C5orf52: variants seen among roughly 807,000 people sequenced by gnomAD.
C5orf52 encodes uncharacterized protein C5orf52.
In C5orf52, 15 loss-of-function variants were observed where a neutral mutation model predicts 16.8. The ratio of observed to expected loss-of-function variants is 0.89; its 90% CI spans 0.60 to 1.38. C5orf52 has a LOEUF of 1.38. Ranked by LOEUF, C5orf52 falls within the 40% of genes most tolerant of loss-of-function variation. The probability of loss-of-function intolerance (pLI) is 0.00; values close to 1 mark genes in which losing one functional copy is unlikely to be tolerated. For missense variants in C5orf52, 206 were observed against 213.1 expected (o/e 0.97, Z 0.21); for synonymous variants, 83 against 87.2 (o/e 0.95, Z 0.27).
At chr5:157,675,006 G>C (rs1366424056) in intron 1 of C5orf52, 86 bp from the exon 2 acceptor site, 2 of 785,780 alleles carry the variant, frequency 2.5e-6, no homozygotes, top group Non-Finnish European at 4.2e-6. Context: ...GGAAGCCTCA[G>C]CCACTCCCTC....
At chr5:157,678,401 A>C (rs1759947369) in intron 2 of C5orf52, among the ~76,000 whole-genome samples, 1 of 152,200 alleles carries the variant, frequency 6.6e-6, no homozygotes, top group Non-Finnish European at 1.5e-5. Flanking sequence ...TACATGCCCC[A>C]AACCCTCCCA....
rs1759889977 is a variant in C5orf52, at chr5:157,676,126, T to C, written c.321+926T>C. 2.0e-5 allele frequency among the ~76,000 whole-genome samples: 3 copies of C among 152,084 alleles called. No homozygotes were observed. In the South Asian group the frequency reaches 6.2e-4, roughly 32 times the overall value. ...TTCATTCCTGTTGTCCAGGCTGGAG[T>C]GCAGTGGCGCTATCTCAACTCACTG... is the stretch of plus-strand genomic sequence containing the variant. On this transcript the variant is annotated intron_variant, in intron 2 of 2. Coordinates refer to ENST00000409999, the MANE Select transcript of C5orf52 (RefSeq NM_001145132.2).
At chr5:157,678,509 T>A (rs1395278162) in intron 2 of C5orf52, among the ~76,000 whole-genome samples, 1 of 152,214 alleles carries the variant, frequency 6.6e-6, no homozygotes, top group Non-Finnish European at 1.5e-5. Flanking sequence ...CAGGCTGAAG[T>A]GCAGTGGCAT....
chr5:157,679,356 A>G (rs1759965637), intron 2 of C5orf52, among the ~76,000 whole-genome samples: 1 of 152,118 alleles, frequency 6.6e-6, no homozygotes, highest in South Asian at 2.1e-4. Context: ...ATTCAGTGTG[A>G]GACAGAGTCT....
rs1759790986 is a variant in C5orf52 at position 157,671,585 on chromosome 5, TC to T, written c.-28del. ...GTGGGCTGGCAACCAGCCACCAGTT[TC>T]CAACTCTTTCTCCAACAGGGAAGCC... On this transcript the variant is annotated 5_prime_UTR_variant, in exon 1 of 3. Transcript: ENST00000409999. The T allele has an allele frequency of 6.5e-7, 1 of 1,529,006 alleles. No individual in the cohort carries two copies. The highest frequency in any genetic ancestry group is 1.4e-5 in the African/African-American group (1 of 72,204). The allele number at this position is 1,529,006 out of a possible 1,614,324, so 94.7% of individuals were successfully genotyped here. A position where few individuals can be genotyped will look rare whatever the true frequency, so the allele number is the denominator to read the frequency against.
intron 1 of C5orf52, among the ~76,000 whole-genome samples, chr5:157,673,294 G>A (rs769541698): frequency 6.6e-6 from 1 of 151,924 alleles, no homozygotes; most frequent in Non-Finnish European, 1.5e-5. Flanking sequence ...CGGAGATTGC[G>A]CCACTGCACT....
chr5:157,671,869 C>T, intron 1 of C5orf52, 43 bp downstream of exon 1: 1 of 1,303,198 alleles, frequency 7.7e-7, no homozygotes, highest in Non-Finnish European at 1.0e-6. Context: ...CCCTCGGACC[C>T]GCGAGGGAAC....
At chr5:157,675,726 A>ACAAG (rs1759881233) in intron 2 of C5orf52, among the ~76,000 whole-genome samples, 1 of 152,158 alleles carries the variant, frequency 6.6e-6, no homozygotes, top group South Asian at 2.1e-4. Context: ...AAACAAACAA[A>ACAAG]AAAACAGAAA....
intron 2 of C5orf52, among the ~76,000 whole-genome samples, chr5:157,678,137 A>G (rs145212688): frequency 6.6e-6 from 1 of 152,342 alleles, no homozygotes; most frequent in Non-Finnish European, 1.5e-5. Flanking sequence ...CTACGTTTCT[A>G]TCAAGCAACT....
chr5:157,675,064 C>T (rs749293588), intron 1 of C5orf52, 28 bp from the exon 2 acceptor site: 4 of 1,472,578 alleles, frequency 2.7e-6, no homozygotes, highest in Non-Finnish European at 3.7e-6. Context: ...CGTCTGTAAC[C>T]TGTGCCACCT....
chr5:157,678,312 T>C (rs1341519750), intron 2 of C5orf52, among the ~76,000 whole-genome samples: 1 of 152,194 alleles, frequency 6.6e-6, no homozygotes, highest in South Asian at 2.1e-4. Context: ...CTTCAGATAA[T>C]GTTAGTGCTT....
At position 157,671,665 on chromosome 5, in the gene C5orf52, G is replaced by T. The variant is rs1235374369; in HGVS notation, c.51G>T (p.Thr17=). 1.3e-6 allele frequency: 2 copies of T among 1,551,138 alleles called. No individual in the cohort carries two copies. The highest frequency in any genetic ancestry group is 1.7e-6 in the Non-Finnish European group (2 of 1,146,852). The change falls in exon 1 of 3, where the codon ACG becomes ACT. Residue 17 remains threonine, a synonymous_variant. Transcript: ENST00000409999. ...PSVTCDQGSS[T]IGGTAAQATT... ...TCACCTGTGACCAGGGATCCTCCACGATCGGCGGGACCGCCGCCCAGGCGA... is the reference window on the plus strand; with the variant it reads ...TCACCTGTGACCAGGGATCCTCCACTATCGGCGGGACCGCCGCCCAGGCGA...
At chr5:157,675,301 G>A in intron 2 of C5orf52, 101 bp downstream of exon 2, 1 of 723,272 alleles carries the variant, frequency 1.4e-6, no homozygotes. Context: ...GTGATAGGGA[G>A]TCATCAAGGT....
chr5:157,674,917 T>G (rs1256081254), intron 1 of C5orf52, among the ~76,000 whole-genome samples, 175 bp from the exon 2 acceptor site: 1 of 152,186 alleles, frequency 6.6e-6, no homozygotes, highest in East Asian at 1.9e-4. Flanking sequence ...AGCATACCTT[T>G]TCCACAACAA....
At chr5:157,671,443 T>G, upstream of C5orf52, 1 of 609,258 alleles carries the variant, frequency 1.6e-6, no homozygotes, top group Non-Finnish European at 2.9e-6. Flanking sequence ...TCTGCACGCA[T>G]GTCCAACAGC....
At chr5:157,673,711 A>G (rs1759840362) in intron 1 of C5orf52, among the ~76,000 whole-genome samples, 1 of 152,016 alleles carries the variant, frequency 6.6e-6, no homozygotes, top group Non-Finnish European at 1.5e-5. Flanking sequence ...ACAATGGTAA[A>G]GTAGTTCACT....
At position 157,680,049 on chromosome 5, in the gene C5orf52, C is replaced by T; in HGVS notation, c.*50C>T. ...ACCACCCTAGTTCTGGCAAAGGGAT[C>T]TGCCCCAGGGTCACGATGACACCAG... On this transcript the variant is annotated 3_prime_UTR_variant, in exon 3 of 3. Coordinates refer to ENST00000409999, the MANE Select transcript of C5orf52 (RefSeq NM_001145132.2). 6.6e-7 allele frequency: 1 copy of T among 1,525,106 alleles called. No individual in the cohort carries two copies. Among genetic ancestry groups the T allele is most frequent in the Non-Finnish European group, 8.8e-7 (1 of 1,130,494 alleles). 94.5% of individuals were successfully genotyped at this position (1,525,106 alleles called of 1,614,324 possible). A position where few individuals can be genotyped will look rare whatever the true frequency, so the allele number is the denominator to read the frequency against.
intron 1 of C5orf52, among the ~76,000 whole-genome samples, chr5:157,672,556 C>A (rs1468157461): frequency 6.6e-5 from 10 of 151,064 alleles, no homozygotes; most frequent in Admixed American, 1.3e-4. Flanking sequence ...ACAACAACAA[C>A]AAAAAAAAAC....
At chr5:157,675,998 C>T (rs749101410) in intron 2 of C5orf52, among the ~76,000 whole-genome samples, 1 of 152,120 alleles carries the variant, frequency 6.6e-6, no homozygotes, top group Non-Finnish European at 1.5e-5. Flanking sequence ...TAGGAAGAGA[C>T]AAGTGAACAA....
Sources: allele counts gnomAD v4.1 joint callset (sites outside exome capture counted in the v4.1 genomes callset), GRCh38; gene constraint gnomAD v4.1.1; transcripts MANE v1.5; gene names NCBI Gene and HGNC (gene_info 2026-07-23, HGNC 2026-07-21).